OTUD4: variants seen among roughly 807,000 people sequenced by gnomAD.
The protein encoded by OTUD4 is OTU deubiquitinase 4.
OTUD4 carries 24 observed loss-of-function variants against 130.4 expected under a neutral mutation model. The ratio of observed to expected loss-of-function variants is 0.18; its 90% CI spans 0.13 to 0.26. The LOEUF (loss-of-function observed/expected upper bound fraction) is 0.26. Among genes scored for constraint, OTUD4 ranks in the 10% least tolerant of loss-of-function variants. The probability of loss-of-function intolerance (pLI) is 1.00; values close to 1 mark genes in which losing one functional copy is unlikely to be tolerated. For missense variants in OTUD4, 1,031 were observed against 1,329.4 expected (o/e 0.78, Z 3.49); for synonymous variants, 420 against 472.5 (o/e 0.89, Z 1.44).
At chr4:145,170,856 G>A (rs1169261667) in intron 3 of OTUD4, 2 of 152,128 alleles carry the variant, frequency 1.3e-5, no homozygotes, top group African/African-American at 4.8e-5. Flanking sequence ...GAGAACGTTA[G>A]TTTTGTAAAC....
At chr4:145,178,301 G>A (rs911972573) in intron 1 of OTUD4, 1 of 152,096 alleles carries the variant, frequency 6.6e-6, no homozygotes, top group African/African-American at 2.4e-5. Context: ...TAGGACTCAA[G>A]ATAACTCAAA....
intron 11 of OTUD4, 68 bp from the exon 12 acceptor site, chr4:145,150,973 T>C: frequency 3.4e-6 from 3 of 892,104 alleles, no homozygotes; most frequent in Non-Finnish European, 5.0e-6. Flanking sequence ...ATTCTGCATA[T>C]TTATTTTCAG....
In OTUD4 at chr4:145,180,215, G is replaced by A. The variant is rs545709851; in HGVS notation, c.-242C>T. ...CTCCTCGGAGCGAACACGCGCCCAC[G>A]ACAAACGGGGGGAGCGGGATTAAGG... is the stretch of plus-strand genomic sequence containing the variant. On this transcript the variant is annotated 5_prime_UTR_variant, in exon 1 of 21. Coordinates refer to ENST00000447906, the MANE Select transcript of OTUD4 (RefSeq NM_001366057.1). 247 of 165,086 alleles carry A rather than the reference G, an allele frequency of 1.5e-3. No individual in the cohort carries two copies. Among genetic ancestry groups the A allele is most frequent in the Middle Eastern group, 8.5e-3 (3 of 354 alleles). The allele number at this position is 165,086 out of a possible 1,614,324, so 10.2% of individuals were successfully genotyped here. A position where few individuals can be genotyped will look rare whatever the true frequency, so the allele number is the denominator to read the frequency against.
intron 8 of OTUD4, 24 bp downstream of exon 8, chr4:145,155,912 T>TA: frequency 6.4e-7 from 1 of 1,573,306 alleles, no homozygotes; most frequent in Non-Finnish European, 8.7e-7. Context: ...GAACTACATT[T>TA]AAAACCACTT....
intron 20 of OTUD4, among the ~76,000 whole-genome samples, chr4:145,139,012 G>A (rs1469935077): frequency 1.3e-5 from 2 of 152,014 alleles, no homozygotes; most frequent in Admixed American, 6.6e-5. Context: ...TGTTTTACTG[G>A]GAATGTCAGT....
At chr4:145,157,592 GAA>G (rs763931681) in intron 7 of OTUD4, among the ~76,000 whole-genome samples, 10 of 142,438 alleles carry the variant, frequency 7.0e-5, no homozygotes, top group Non-Finnish European at 1.3e-4. Context: ...GCTGAGGCAG[GAA>G]AATCGCTTGA....
chr4:145,166,459 A>T lies in OTUD4; in HGVS notation c.295-1262T>A, dbSNP rs184910170. Among the ~76,000 whole-genome samples, 19 of 152,264 alleles carry T rather than the reference A, an allele frequency of 1.2e-4. No homozygotes were observed. The East Asian group carries it at 3.5e-3, about 28-fold the overall frequency. On this transcript the variant is annotated intron_variant, in intron 3 of 20. Coordinates refer to ENST00000447906, the MANE Select transcript of OTUD4 (RefSeq NM_001366057.1). ...AAATATTTCACATCTACAAAAGTGT[A>T]TGTAAAATAATGATGTCACTGGGAG...
intron 7 of OTUD4, 35 bp downstream of exon 7, chr4:145,159,468 G>T (rs780869262): frequency 1.2e-6 from 2 of 1,610,124 alleles, no homozygotes; most frequent in East Asian, 4.5e-5. Context: ...TCCTTGTATG[G>T]CACTAAGAAA....
chr4:145,150,807 T>G lies in OTUD4; in HGVS notation c.1067A>C (p.His356Pro), dbSNP rs200397825. ...ATAGCTTGATGTGCTCCTACCAGAA[T>G]GGAAATTTTGTCCAGAAGTGGAAGG... ...KKPSTSGQNF[H>P]SDVDYRGPKN... Residue 356 changes from histidine to proline, a missense_variant, in exon 12 of 21, where the codon CAT becomes CCT. Coordinates refer to ENST00000447906, the MANE Select transcript of OTUD4 (RefSeq NM_001366057.1). 2.5e-6 allele frequency: 4 copies of G among 1,613,314 alleles called. No homozygotes were observed. The highest frequency in any genetic ancestry group is 2.5e-6 in the Non-Finnish European group (3 of 1,179,380).
At chr4:145,143,291 T>A (rs1054200874) in intron 17 of OTUD4, 74 bp downstream of exon 17, 2 of 862,730 alleles carry the variant, frequency 2.3e-6, no homozygotes, top group African/African-American at 1.7e-5. Flanking sequence ...TTTCTGTTTT[T>A]AAATGACCCT....
intron 20 of OTUD4, among the ~76,000 whole-genome samples, chr4:145,139,150 TC>T (rs1750438100): frequency 6.6e-6 from 1 of 152,160 alleles, no homozygotes; most frequent in African/African-American, 2.4e-5. Context: ...ATATTCCAAA[TC>T]CTTCCTCTGC....
intron 3 of OTUD4, among the ~76,000 whole-genome samples, chr4:145,165,519 T>C (rs1225109267): frequency 6.6e-6 from 1 of 151,920 alleles, no homozygotes; most frequent in African/African-American, 2.4e-5. Context: ...CTCTTGTTGC[T>C]CAGGCTGGAG....
chr4:145,137,271 C>A lies in OTUD4; in HGVS notation c.*159G>T, dbSNP rs1355689375. 15 of 595,566 alleles carry A rather than the reference C, an allele frequency of 2.5e-5. No homozygotes were observed. The South Asian group carries it at 2.8e-4, about 11-fold the overall frequency. 36.9% of individuals were successfully genotyped at this position (595,566 alleles called of 1,614,324 possible). A position where few individuals can be genotyped will look rare whatever the true frequency, so the allele number is the denominator to read the frequency against. On this transcript the variant is annotated 3_prime_UTR_variant, in exon 21 of 21. Coordinates refer to ENST00000447906, the MANE Select transcript of OTUD4 (RefSeq NM_001366057.1). ...AGGAATTAACCTGCCCCCTTGAACT[C>A]ATGTCCAAAATGTCTTGTCCAGTAT... is the stretch of plus-strand genomic sequence containing the variant.
chr4:145,147,065 C>A (rs72617425), intron 13 of OTUD4, among the ~76,000 whole-genome samples: 2 of 152,102 alleles, frequency 1.3e-5, no homozygotes, highest in African/African-American at 4.8e-5. Flanking sequence ...GAGTTTAGTA[C>A]CCTATAATCC....
In OTUD4 at chr4:145,179,806, C is replaced by T. The variant is rs916621499; in HGVS notation, c.159+9G>A. On this transcript the variant is annotated intron_variant, in intron 1 of 20. Coordinates refer to ENST00000447906, the MANE Select transcript of OTUD4 (RefSeq NM_001366057.1). ...CCCCTCGAAGCCCTCCCCGCCCCCC[C>T]GCAATTACCTGCTCCGCCACGGCCC... The T allele has an allele frequency of 4.0e-6, 6 of 1,516,326 alleles. No individual in the cohort carries two copies. The East Asian group carries it at 1.0e-4, about 26-fold the overall frequency. 93.9% of individuals were successfully genotyped at this position (1,516,326 alleles called of 1,614,324 possible).
intron 15 of OTUD4, 144 bp downstream of exon 15, chr4:145,144,162 GAGTCA>G (rs1309915085): frequency 1.4e-4 from 139 of 1,016,822 alleles, no homozygotes; most frequent in Admixed American, 1.3e-4. Flanking sequence ...CCTTTAGCTT[GAGTCA>G]ATACTTCTCT....
rs754186140 is a variant in OTUD4, at chr4:145,138,258, C to A, written c.2517G>T (p.Gln839His). The change falls in exon 21 of 21, where the codon CAG becomes CAT. Residue 839 changes from glutamine to histidine, a missense_variant. Transcript: ENST00000447906. ...AGAATGGATTGGGTCCAAAAGATGG[C>A]TGGGGGAACATATTCTTGCCACTTA... The part of the protein sequence containing the change: ...ESLSGKNMFP[Q>H]PSFGPNPFLG... 7.2e-5 allele frequency: 116 copies of A among 1,613,828 alleles called. No individual in the cohort carries two copies. Among genetic ancestry groups the A allele is most frequent in the Non-Finnish European group, 9.5e-5 (112 of 1,179,880 alleles).
intron 13 of OTUD4, among the ~76,000 whole-genome samples, chr4:145,146,697 G>A (rs551821027): frequency 1.3e-5 from 2 of 152,136 alleles, no homozygotes; most frequent in African/African-American, 4.8e-5. Context: ...AGCAATGGGA[G>A]GTAGAGGGGA....
chr4:145,140,048 T>C (rs1471208754), intron 19 of OTUD4, 57 bp from the exon 20 acceptor site: 14 of 564,272 alleles, frequency 2.5e-5, no homozygotes, highest in Admixed American at 6.9e-5. Flanking sequence ...TTTTTTTAAA[T>C]CATCCTCATT....
Sources: allele counts gnomAD v4.1 joint callset (sites outside exome capture counted in the v4.1 genomes callset), GRCh38; gene constraint gnomAD v4.1.1; transcripts MANE v1.5; gene names NCBI Gene and HGNC (gene_info 2026-07-23, HGNC 2026-07-21).